SPHKAP: variants seen among roughly 807,000 people sequenced by gnomAD.
SPHKAP encodes A-kinase anchor protein SPHKAP.
SPHKAP carries 67 observed loss-of-function variants against 137.5 expected under a neutral mutation model. The ratio of observed to expected loss-of-function variants is 0.49; its 90% CI spans 0.40 to 0.60. SPHKAP has a LOEUF of 0.60. Among genes scored for constraint, SPHKAP ranks in the 20% least tolerant of loss-of-function variants. The pLI is 0.00. For missense variants in SPHKAP, 2,097 were observed against 2,069.3 expected, an observed-to-expected ratio of 1.01 and a Z score of -0.26; for synonymous variants, 813 against 785.3, an observed-to-expected ratio of 1.04 and a Z score of -0.59.
chr2:228,176,240 C>A (rs1301160314), intron 1 of SPHKAP, among the ~76,000 whole-genome samples: 1 of 152,140 alleles, frequency 6.6e-6, no homozygotes, highest in Non-Finnish European at 1.5e-5. Flanking sequence ...ACATTAAAAA[C>A]AATAAAGCCC....
At position 228,181,595 on chromosome 2, in the gene SPHKAP, C is replaced by T. The variant is rs757688056; in HGVS notation, c.4G>A (p.Asp2Asn). Reference sequence around the variant, plus strand: ...GGTACCGAGAGCAGGGAGTTGCCATCCATTGTTGGTGGGCGCCCAGAGAAG... The same window carrying T: ...GGTACCGAGAGCAGGGAGTTGCCATTCATTGTTGGTGGGCGCCCAGAGAAG... M[D>N]GNSLLSVPSN... is the part of the protein sequence containing the mutation. The change falls in exon 1 of 12, where the codon GAT (aspartate) becomes AAT (asparagine). Residue 2 changes from aspartate (D) to asparagine (N), a missense_variant. Asp to Asn is a conservative substitution (Grantham distance 23). Coordinates refer to ENST00000392056, the MANE Select transcript of SPHKAP (RefSeq NM_001142644.2). The surrounding 1 kb of genome is among the most constrained non-coding windows in gnomAD (Gnocchi z 4.3). 1.2e-6 allele frequency: 2 copies of T among 1,614,090 alleles called. No individual in the cohort carries two copies. Among genetic ancestry groups the T allele is most frequent in the Non-Finnish European group, 1.7e-6 (2 of 1,180,000 alleles).
Position 228,108,916 on chromosome 2 carries a change from C to T in SPHKAP, c.162G>A (p.Leu54=). Residue 54 remains leucine (L), a synonymous_variant, in exon 3 of 12, where the codon CTG becomes CTA. Coordinates refer to ENST00000392056, the MANE Select transcript of SPHKAP (RefSeq NM_001142644.2). ...TCTGCAACCAGTAGTCTGTTGACTCCAGCAGGCTATTGCTGCGAAGAACCT... is the reference window on the plus strand; with the variant it reads ...TCTGCAACCAGTAGTCTGTTGACTCTAGCAGGCTATTGCTGCGAAGAACCT... ...CKKVLRSNSL[L]ESTDYWLQNQ... 1 of 1,605,156 alleles carries T rather than the reference C, an allele frequency of 6.2e-7. No homozygotes were observed.
chr2:228,113,600 G>A (rs1010164611), intron 2 of SPHKAP, among the ~76,000 whole-genome samples: 3 of 89,642 alleles, frequency 3.3e-5, no homozygotes, highest in South Asian at 3.5e-4. Flanking sequence ...TATGCATTTA[G>A]CCATCTCTCT....
rs1700920655 is a variant in SPHKAP at position 228,181,654 on chromosome 2, T to C, written c.-56A>G. 5 of 1,613,898 alleles carry C rather than the reference T, an allele frequency of 3.1e-6. No homozygotes were observed. The highest frequency in any genetic ancestry group is 4.2e-6 in the Non-Finnish European group (5 of 1,179,976). Reference sequence around the variant, plus strand: ...AAAGTGCAGGCGAAGGATAAGTCTGTGGTGCTAGGACCCAGCTCCCAGAGT... The same window carrying C: ...AAAGTGCAGGCGAAGGATAAGTCTGCGGTGCTAGGACCCAGCTCCCAGAGT... On this transcript the variant is annotated 5_prime_UTR_variant, in exon 1 of 12. Coordinates refer to ENST00000392056, the MANE Select transcript of SPHKAP (RefSeq NM_001142644.2). This position sits in a 1 kb window ranked among gnomAD's most constrained non-coding sequence, Gnocchi z 4.3.
At chr2:228,084,771 G>A (rs79371386) in intron 3 of SPHKAP, among the ~76,000 whole-genome samples, 3 of 152,210 alleles carry the variant, frequency 2.0e-5, no homozygotes, top group Admixed American at 2.0e-4. Context: ...TAGATCAAAG[G>A]GATCTCTGCT....
At chr2:228,130,267 C>T (rs1461283832) in intron 2 of SPHKAP, among the ~76,000 whole-genome samples, 1 of 152,070 alleles carries the variant, frequency 6.6e-6, no homozygotes, top group Non-Finnish European at 1.5e-5. Context: ...AATGGTAATA[C>T]CTATATGGAA....
chr2:228,046,902 TC>T (rs1696081692), intron 3 of SPHKAP, among the ~76,000 whole-genome samples: 2 of 152,144 alleles, frequency 1.3e-5, no homozygotes, highest in African/African-American at 4.8e-5. Context: ...CTTTTGGCAT[TC>T]CCCAACCTCA....
chr2:227,995,462 CTG>C (rs752290263), intron 8 of SPHKAP, 45 bp downstream of exon 8: 3 of 1,606,844 alleles, frequency 1.9e-6, no homozygotes, highest in Admixed American at 1.7e-5. Context: ...TTTTTAGAAT[CTG>C]TGTTGAGACC....
intron 3 of SPHKAP, among the ~76,000 whole-genome samples, chr2:228,047,594 CCATT>C (rs139508846): frequency 2.6e-5 from 4 of 152,088 alleles, no homozygotes; most frequent in Non-Finnish European, 5.9e-5. Flanking sequence ...TAATTTGTGT[CCATT>C]CATTCATTCA....
At chr2:228,052,018 C>G (rs1030780603) in intron 3 of SPHKAP, among the ~76,000 whole-genome samples, 5 of 152,086 alleles carry the variant, frequency 3.3e-5, no homozygotes, top group African/African-American at 7.2e-5. Flanking sequence ...ACATTTAGAC[C>G]ATACCAATTC....
intron 3 of SPHKAP, among the ~76,000 whole-genome samples, chr2:228,094,869 G>T (rs1471967743): frequency 6.6e-6 from 1 of 152,106 alleles, no homozygotes; most frequent in African/African-American, 2.4e-5. Flanking sequence ...AGATACCAGC[G>T]ACTTTTTGAG....
chr2:228,064,576 G>A (rs918329152), intron 3 of SPHKAP, among the ~76,000 whole-genome samples: 8 of 152,174 alleles, frequency 5.3e-5, no homozygotes, highest in South Asian at 2.1e-4. Context: ...TTCCTGGGGC[G>A]TATCAGTCAT....
intron 1 of SPHKAP, among the ~76,000 whole-genome samples, chr2:228,133,836 A>T (rs1699343537): frequency 6.6e-6 from 1 of 152,222 alleles, no homozygotes; most frequent in Admixed American, 6.5e-5. Flanking sequence ...ATTTTAAAAA[A>T]TGACCACTGA....
intron 3 of SPHKAP, among the ~76,000 whole-genome samples, chr2:228,067,176 A>C (rs1005184685): frequency 1.3e-5 from 2 of 152,224 alleles, no homozygotes; most frequent in Non-Finnish European, 2.9e-5. Flanking sequence ...ACAGAAGTGA[A>C]AAGAACTGAG....
chr2:228,124,854 C>T (rs936725954), intron 2 of SPHKAP, among the ~76,000 whole-genome samples: 3 of 152,126 alleles, frequency 2.0e-5, no homozygotes, highest in African/African-American at 4.8e-5. Context: ...AAGATATGAG[C>T]TTAGATGAAA....
chr2:228,012,163 C>CAAAAAAAAAAAAA (rs544782857), intron 7 of SPHKAP, among the ~76,000 whole-genome samples: 19 of 84,914 alleles, frequency 2.2e-4, no homozygotes, highest in African/African-American at 6.9e-4. Flanking sequence ...GACTCTACCT[C>CAAAAAAAAAAAAA]AAAAAAAAAA....
chr2:228,090,623 G>A (rs1198688083), intron 3 of SPHKAP, among the ~76,000 whole-genome samples: 1 of 152,174 alleles, frequency 6.6e-6, no homozygotes, highest in Non-Finnish European at 1.5e-5. Context: ...TCCCAGTGTT[G>A]GAGGTAGAGT....
chr2:228,046,291 C>CTTTTTTTTATTTTTTT (rs1696052457), intron 3 of SPHKAP, among the ~76,000 whole-genome samples: 1 of 82,526 alleles, frequency 1.2e-5, no homozygotes, highest in Non-Finnish European at 2.2e-5. Flanking sequence ...TGTTGTTATT[C>CTTTTTTTTATTTTTTT]TTTTTTTTTT....
intron 2 of SPHKAP, among the ~76,000 whole-genome samples, chr2:228,117,021 T>C (rs1359413378): frequency 6.6e-6 from 1 of 152,156 alleles, no homozygotes; most frequent in Non-Finnish European, 1.5e-5. Context: ...TGTCCCAATA[T>C]AAATATTTCT....
Sources: allele counts gnomAD v4.1 joint callset (sites outside exome capture counted in the v4.1 genomes callset), GRCh38; gene constraint gnomAD v4.1.1; non-coding constraint Gnocchi (gnomAD v3.1); transcripts MANE v1.5; gene names NCBI Gene and HGNC (gene_info 2026-07-23, HGNC 2026-07-21).